The following LYRM4 variants were observed in gnomAD, a reference collection of about 807,000 sequenced individuals.
The protein encoded by LYRM4 is LYR motif containing 4.
In LYRM4, 9 loss-of-function variants were observed where a neutral mutation model predicts 11.7. The observed-to-expected ratio is 0.77, with a 90% CI of 0.46 to 1.34. The LOEUF (loss-of-function observed/expected upper bound fraction) is 1.34, where lower values mean the gene tolerates loss of function less well. Ranked by LOEUF, LYRM4 falls within the 40% of genes most tolerant of loss-of-function variation. LYRM4 has a pLI of 0.00. For missense variants in LYRM4, 133 were observed against 112.5 expected (o/e 1.18, Z -0.82); for synonymous variants, 42 against 40.4 (o/e 1.04, Z -0.15).
intron 1 of LYRM4, among the ~76,000 whole-genome samples, chr6:5,233,194 CA>C (rs954493580): frequency 5.9e-5 from 9 of 151,696 alleles, no homozygotes; most frequent in South Asian, 2.1e-4. Context: ...CAATGGCAGG[CA>C]AAAAAAATGA....
the LYRM4 span, chr6:5,032,746 C>T: frequency 3.9e-5 from 6 of 152,104 alleles, no homozygotes; most frequent in Admixed American, 6.5e-5. Context: ...TTCATCCGGA[C>T]GGGGATGGAG....
intron 2 of LYRM4, among the ~76,000 whole-genome samples, chr6:5,147,111 C>G (rs955017022): frequency 6.6e-6 from 1 of 152,138 alleles, no homozygotes; most frequent in Non-Finnish European, 1.5e-5. Flanking sequence ...TTGAGTAGAA[C>G]TGGGATTTAT....
intron 2 of LYRM4, among the ~76,000 whole-genome samples, chr6:5,151,084 ATTTTTTT>A (rs10599613): frequency 7.3e-6 from 1 of 136,744 alleles, no homozygotes; most frequent in African/African-American, 2.7e-5. Flanking sequence ...TTTGTTTTGA[ATTTTTTT>A]TTTTTTTTTT....
the LYRM4 span, among the ~76,000 whole-genome samples, chr6:5,074,469 T>C: frequency 6.7e-6 from 1 of 150,322 alleles, no homozygotes; most frequent in African/African-American, 2.5e-5. Context: ...CATGGATGAC[T>C]TTGAGAGGTT....
At chr6:5,169,401 T>C (rs914322107) in intron 2 of LYRM4, among the ~76,000 whole-genome samples, 6 of 152,204 alleles carry the variant, frequency 3.9e-5, no homozygotes, top group Admixed American at 1.3e-4. Flanking sequence ...AGGAGTATTT[T>C]CAAGCAGGAA....
chr6:5,260,513 G>A, intron 1 of LYRM4, 135 bp downstream of exon 1: 1 of 1,218,044 alleles, frequency 8.2e-7, no homozygotes, highest in Non-Finnish European at 1.1e-6. Context: ...TTCGATGGCG[G>A]AGCCCGGTCC....
At chr6:5,066,483 A>AT in the LYRM4 span, 53 of 767,074 alleles carry the variant, frequency 6.9e-5, no homozygotes, top group Non-Finnish European at 2.4e-6. Context: ...TTGAGAAGCC[A>AT]TAGCGGGTGG....
intron 2 of LYRM4, chr6:5,138,688 A>G (rs1336830615): frequency 5.9e-6 from 9 of 1,520,888 alleles, no homozygotes; most frequent in Admixed American, 2.0e-5. Flanking sequence ...GAAAATATCA[A>G]GATGCAATAG....
chr6:5,207,941 A>G (rs1429081713), intron 2 of LYRM4, among the ~76,000 whole-genome samples: 1 of 152,190 alleles, frequency 6.6e-6, no homozygotes, highest in Non-Finnish European at 1.5e-5. Context: ...CCTTCTGTCA[A>G]GATAAGGCCA....
At chr6:5,181,598 C>T (rs958365289) in intron 2 of LYRM4, among the ~76,000 whole-genome samples, 21 of 152,178 alleles carry the variant, frequency 1.4e-4, no homozygotes, top group South Asian at 4.1e-4. Flanking sequence ...GTCTGGTGCC[C>T]CTGCCTCCTG....
the LYRM4 span, chr6:5,042,392 A>G: frequency 6.6e-6 from 1 of 152,286 alleles, no homozygotes; most frequent in African/African-American, 2.4e-5. Flanking sequence ...CCAGTCAATG[A>G]CTGGTATTTT....
At chr6:5,092,717 C>CA in the LYRM4 span, among the ~76,000 whole-genome samples, 5 of 151,396 alleles carry the variant, frequency 3.3e-5, no homozygotes, top group Admixed American at 6.6e-5. Context: ...GACTCCGTCT[C>CA]AAAAAAAAAT....
intron 2 of LYRM4, among the ~76,000 whole-genome samples, chr6:5,163,603 G>C (rs1758895536): frequency 6.9e-6 from 1 of 145,372 alleles, no homozygotes; most frequent in Non-Finnish European, 1.5e-5. Flanking sequence ...AAATTTGCTA[G>C]TCCCAGGACT....
At chr6:5,042,247 C>T in the LYRM4 span, among the ~76,000 whole-genome samples, 5,813 of 152,012 alleles carry the variant, frequency 0.038, 143 homozygotes, top group South Asian at 0.093. Context: ...GTAAAATAAT[C>T]CAACCTAATT....
chr6:5,201,262 G>C (rs1761379656), intron 2 of LYRM4, among the ~76,000 whole-genome samples: 1 of 151,994 alleles, frequency 6.6e-6, no homozygotes, highest in Admixed American at 6.5e-5. Context: ...ATCAAGGATG[G>C]GGACAAGTGA....
intron 2 of LYRM4, among the ~76,000 whole-genome samples, chr6:5,131,458 G>C (rs1053064189): frequency 1.3e-5 from 2 of 152,204 alleles, no homozygotes; most frequent in South Asian, 4.1e-4. Flanking sequence ...CCAGCAGTTT[G>C]GGAGGTAAAG....
intron 2 of LYRM4, among the ~76,000 whole-genome samples, chr6:5,157,426 A>G (rs1758478943): frequency 6.6e-6 from 1 of 152,144 alleles, no homozygotes; most frequent in Non-Finnish European, 1.5e-5. Context: ...TTCTCATACA[A>G]TTAGATATTC....
At chr6:5,246,396 A>C (rs1764198188) in intron 1 of LYRM4, among the ~76,000 whole-genome samples, 1 of 152,174 alleles carries the variant, frequency 6.6e-6, no homozygotes, top group Non-Finnish European at 1.5e-5. Flanking sequence ...TCTGGAGTCA[A>C]AGATTGGGTT....
chr6:5,185,418 C>T (rs921276178), intron 2 of LYRM4, among the ~76,000 whole-genome samples: 3 of 152,128 alleles, frequency 2.0e-5, no homozygotes, highest in African/African-American at 7.2e-5. Context: ...GACATACCAA[C>T]AAATCTTGGG....
Sources: gnomAD v4.1 joint callset for allele counts (sites outside exome capture counted in the v4.1 genomes callset) on GRCh38, gnomAD v4.1.1 for gene constraint, MANE v1.5 for transcripts, NCBI Gene and HGNC (gene_info 2026-07-23, HGNC 2026-07-21) for gene names.